Variants in THSD4 observed in about 807,000 individuals in gnomAD.
THSD4 encodes thrombospondin type-1 domain-containing protein 4.
In THSD4, 69 loss-of-function variants were observed where a neutral mutation model predicts 119.0. The ratio of observed to expected loss-of-function variants is 0.58; its 90% CI spans 0.48 to 0.71. THSD4 has a LOEUF of 0.71. THSD4 is among the 30% of genes least tolerant of loss of function. The probability of loss-of-function intolerance (pLI) is 0.00; values close to 1 mark genes in which losing one functional copy is unlikely to be tolerated. For synonymous variants in THSD4, 524 were observed against 540.4 expected, an observed-to-expected ratio of 0.97 and a Z score of 0.42; for missense variants, 1,393 against 1,391.1, an observed-to-expected ratio of 1.00 and a Z score of -0.02.
At chr15:71,433,088 A>T (rs994238450) in intron 7 of THSD4, among the ~76,000 whole-genome samples, 5 of 151,758 alleles carry the variant, frequency 3.3e-5, no homozygotes, top group African/African-American at 9.7e-5. Context: ...TATATATTTT[A>T]TAATTTTTAG....
In THSD4 at chr15:71,220,426, A is replaced by C. The variant is rs570494632; in HGVS notation, c.464+5027A>C. ...CAAAAATAACGTCAATCTTCATTGGAGCTCTCCCAAGGATTCCGAGCTTAG... is the reference window on the plus strand; with the variant it reads ...CAAAAATAACGTCAATCTTCATTGGCGCTCTCCCAAGGATTCCGAGCTTAG... On this transcript the variant is annotated intron_variant, in intron 4 of 17. Transcript: ENST00000261862. Among the ~76,000 whole-genome samples the C allele has an allele frequency of 4.6e-5, 7 of 152,340 alleles. No individual in the cohort carries two copies. In the East Asian group the frequency reaches 1.3e-3, roughly 29 times the overall value.
intron 1 of THSD4, among the ~76,000 whole-genome samples, chr15:71,138,531 C>T (rs2141368731): frequency 6.6e-6 from 1 of 152,306 alleles, no homozygotes; most frequent in Middle Eastern, 3.4e-3. Flanking sequence ...CATTCACTTA[C>T]TGTGTTCTGG....
intron 3 of THSD4, among the ~76,000 whole-genome samples, chr15:71,194,538 A>G (rs1391446091): frequency 6.6e-6 from 1 of 152,142 alleles, no homozygotes; most frequent in African/African-American, 2.4e-5. Flanking sequence ...ACCCCATCTC[A>G]TGTGGCCTGT....
chr15:71,545,970 A>T (rs762120123), intron 7 of THSD4, among the ~76,000 whole-genome samples: 1 of 152,180 alleles, frequency 6.6e-6, no homozygotes, highest in Admixed American at 6.5e-5. Context: ...TCAAGTGTTT[A>T]TTAATTTACT....
rs551257744 is a variant in THSD4, at chr15:71,562,072, G to T, written c.1153-98458G>T. ...TATGAGGATAATGAATTTTTTGGAG[G>T]TTATGTGGCTTGCCCAGGACCACAC... On this transcript the variant is annotated intron_variant, in intron 7 of 17. Transcript: ENST00000261862. Among the ~76,000 whole-genome samples the T allele has an allele frequency of 1.1e-4, 17 of 152,260 alleles. 1 individual carries two copies. The South Asian group carries it at 3.5e-3, about 32-fold the overall frequency.
intron 7 of THSD4, among the ~76,000 whole-genome samples, chr15:71,648,413 TC>T (rs1198689954): frequency 6.6e-6 from 1 of 152,168 alleles, no homozygotes; most frequent in Non-Finnish European, 1.5e-5. Flanking sequence ...TCCAGCAGTC[TC>T]CCTTGCTCTG....
intron 8 of THSD4, among the ~76,000 whole-genome samples, chr15:71,665,989 CT>C (rs1001116378): frequency 1.3e-5 from 2 of 151,986 alleles, no homozygotes; most frequent in South Asian, 4.2e-4. Context: ...CTTTGGGGCT[CT>C]TTTTTTGATC....
chr15:71,415,640 A>AT (rs1025544260), intron 7 of THSD4, among the ~76,000 whole-genome samples: 1 of 151,918 alleles, frequency 6.6e-6, no homozygotes, highest in African/African-American at 2.4e-5. Flanking sequence ...TATTCTTTCT[A>AT]TTTTTTTGTA....
At chr15:71,201,838 G>A (rs1387343695) in intron 3 of THSD4, among the ~76,000 whole-genome samples, 1 of 152,178 alleles carries the variant, frequency 6.6e-6, no homozygotes, top group African/African-American at 2.4e-5. Flanking sequence ...TATGGTTCAC[G>A]TCGACATGGG....
upstream of THSD4, chr15:71,111,929 C>T: frequency 1.7e-6 from 1 of 589,050 alleles, no homozygotes; most frequent in Non-Finnish European, 2.9e-6. Flanking sequence ...ACATTTGGGA[C>T]ACTCTGCATC....
At chr15:71,326,905 C>T (rs1464335306) in intron 6 of THSD4, among the ~76,000 whole-genome samples, 11 of 148,004 alleles carry the variant, frequency 7.4e-5, no homozygotes, top group African/African-American at 2.2e-4. Flanking sequence ...TGGTGGCTCA[C>T]GCCTGTAATC....
At chr15:71,595,607 T>TG (rs1252650951) in intron 7 of THSD4, among the ~76,000 whole-genome samples, 1 of 812 alleles carries the variant, frequency 1.2e-3, no homozygotes, top group African/African-American at 3.6e-3. Flanking sequence ...ACAAGCCATA[T>TG]GTTCAGAACT....
At chr15:71,232,037 C>A (rs1567164105) in intron 4 of THSD4, among the ~76,000 whole-genome samples, 1 of 152,120 alleles carries the variant, frequency 6.6e-6, no homozygotes, top group Non-Finnish European at 1.5e-5. Context: ...CGAGGCTGCA[C>A]ACTCCCTTCC....
intron 16 of THSD4, among the ~76,000 whole-genome samples, chr15:71,770,640 G>C (rs1055024780): frequency 6.6e-6 from 1 of 152,136 alleles, no homozygotes; most frequent in African/African-American, 2.4e-5. Flanking sequence ...GGGTGACAGA[G>C]CAAGACTCCA....
chr15:71,732,666 C>T (rs1465756693), intron 10 of THSD4: 1 of 152,096 alleles, frequency 6.6e-6, no homozygotes, highest in Non-Finnish European at 1.5e-5. Flanking sequence ...CTATTATTAG[C>T]CTTATTTTAA....
intron 4 of THSD4, among the ~76,000 whole-genome samples, chr15:71,224,147 A>G (rs997549655): frequency 1.3e-5 from 2 of 152,178 alleles, no homozygotes; most frequent in African/African-American, 2.4e-5. Flanking sequence ...CTTCCTGCAA[A>G]GAGCAAATGG....
At chr15:71,464,405 T>C in intron 7 of THSD4, among the ~76,000 whole-genome samples, 1 of 152,138 alleles carries the variant, frequency 6.6e-6, no homozygotes, top group East Asian at 1.9e-4. Flanking sequence ...GGTATACTCT[T>C]TTTTTCTCCC....
intron 14 of THSD4, among the ~76,000 whole-genome samples, chr15:71,755,770 G>A (rs2053528474): frequency 7.1e-6 from 1 of 141,682 alleles, no homozygotes; most frequent in African/African-American, 2.6e-5. Context: ...AAGGCAGGAA[G>A]CAGCACATAG....
rs2053931409 is a variant in THSD4, at chr15:71,777,284, A to G, written c.2967A>G (p.Arg989=). The part of the protein sequence containing the change: ...YYNCNVVVQA[R]LCVYNYYKTA... ...ACTGCAACGTGGTGGTCCAGGCAAG[A>G]CTCTGTGTCTACAACTACTACAAGA... The change falls in exon 18 of 18, where the codon AGA becomes AGG. Residue 989 remains arginine (R), a synonymous_variant. Transcript: ENST00000261862. The G allele has an allele frequency of 1.9e-6, 3 of 1,614,024 alleles. No individual in the cohort carries two copies. Among genetic ancestry groups the G allele is most frequent in the East Asian group, 4.5e-5 (2 of 44,876 alleles).
Sources: allele counts gnomAD v4.1 joint callset (sites outside exome capture counted in the v4.1 genomes callset), GRCh38; gene constraint gnomAD v4.1.1; transcripts MANE v1.5; gene names NCBI Gene and HGNC (gene_info 2026-07-23, HGNC 2026-07-21).